The following RMDN2 variants were observed in gnomAD, a reference collection of about 807,000 sequenced individuals.
The protein encoded by RMDN2 is regulator of microtubule dynamics protein 2.
Under a neutral mutation model 52.8 loss-of-function variants are expected in RMDN2, and 61 were observed. That is an observed-to-expected ratio of 1.16 (90% CI 0.94 to 1.43). RMDN2 has a LOEUF of 1.43. RMDN2 is among the 40% of genes most tolerant of loss of function. RMDN2 has a pLI of 0.00. For synonymous variants in RMDN2, 180 were observed against 153.1 expected, an observed-to-expected ratio of 1.18 and a Z score of -1.30; for missense variants, 592 against 475.3, an observed-to-expected ratio of 1.25 and a Z score of -2.28.
At chr2:38,050,508 G>A (rs112077244) in intron 10 of RMDN2, among the ~76,000 whole-genome samples, 3,642 of 152,122 alleles carry the variant, frequency 0.024, 156 homozygotes, top group African/African-American at 0.081. Context: ...TAAAAAGCCC[G>A]TAGGGACTAT....
chr2:37,930,237 TTAAA>T (rs1419996725), intron 2 of RMDN2, among the ~76,000 whole-genome samples: 2 of 152,216 alleles, frequency 1.3e-5, no homozygotes, highest in African/African-American at 4.8e-5. Context: ...GTAATTAAAT[TTAAA>T]TAGCCACTTG....
intron 2 of RMDN2, among the ~76,000 whole-genome samples, chr2:37,948,396 G>A (rs1185469815): frequency 6.6e-6 from 1 of 152,128 alleles, no homozygotes; most frequent in Non-Finnish European, 1.5e-5. Context: ...TATAATGATG[G>A]AATACTGACC....
intron 2 of RMDN2, among the ~76,000 whole-genome samples, chr2:37,969,888 T>A (rs1336674476): frequency 6.6e-6 from 1 of 151,948 alleles, no homozygotes; most frequent in African/African-American, 2.4e-5. Context: ...CTCTCCTGCT[T>A]GCTTCCTTGC....
chr2:37,996,248 A>G (rs1675518976), intron 7 of RMDN2, among the ~76,000 whole-genome samples: 1 of 152,224 alleles, frequency 6.6e-6, no homozygotes, highest in East Asian at 1.9e-4. Flanking sequence ...AAGCATACGA[A>G]TAAGAAAAAT....
chr2:38,000,364 A>T (rs546402319), intron 8 of RMDN2, among the ~76,000 whole-genome samples: 1 of 152,354 alleles, frequency 6.6e-6, no homozygotes, highest in African/African-American at 2.4e-5. Flanking sequence ...TAAGCAATAA[A>T]TTGTACCCAT....
intron 7 of RMDN2, among the ~76,000 whole-genome samples, chr2:37,993,440 C>T (rs1235652245): frequency 6.6e-6 from 1 of 151,490 alleles, no homozygotes; most frequent in Non-Finnish European, 1.5e-5. Flanking sequence ...ATTTTCTGGC[C>T]ACACAATATC....
chr2:37,973,990 C>G, intron 2 of RMDN2, 50 bp from the exon 3 acceptor site: 1 of 1,399,186 alleles, frequency 7.1e-7, no homozygotes, highest in Non-Finnish European at 1.0e-6. Flanking sequence ...AATGCTCTGG[C>G]TATTATACTT....
At chr2:37,997,823 A>C in intron 8 of RMDN2, 1 of 287,512 alleles carries the variant, frequency 3.5e-6, no homozygotes, top group Non-Finnish European at 6.5e-6. Flanking sequence ...TCTCTGAGTC[A>C]CTTGAGCATG....
intron 2 of RMDN2, among the ~76,000 whole-genome samples, chr2:37,939,458 G>C (rs369983483): frequency 1.3e-5 from 2 of 152,110 alleles, no homozygotes; most frequent in South Asian, 4.2e-4. Context: ...TTAATTTTCT[G>C]TCTCGTTGAT....
At chr2:38,025,494 A>C (rs1231486238) in intron 10 of RMDN2, among the ~76,000 whole-genome samples, 1 of 152,104 alleles carries the variant, frequency 6.6e-6, no homozygotes, top group Admixed American at 6.6e-5. Flanking sequence ...TGTACAGGCT[A>C]GAACTTTCAA....
At chr2:37,923,012 G>A (rs555399241), upstream of RMDN2, among the ~76,000 whole-genome samples, 1 of 152,336 alleles carries the variant, frequency 6.6e-6, no homozygotes, top group African/African-American at 2.4e-5. Flanking sequence ...TGATTGTCAT[G>A]CCGTACTGGT....
upstream of RMDN2, among the ~76,000 whole-genome samples, chr2:37,921,910 A>G (rs543389299): frequency 2.2e-4 from 33 of 152,222 alleles, no homozygotes; most frequent in African/African-American, 6.7e-4. Flanking sequence ...TGTGTAGAAG[A>G]CTCAATAAAT....
intron 2 of RMDN2, among the ~76,000 whole-genome samples, chr2:37,959,407 C>G (rs1005363699): frequency 1.3e-5 from 2 of 150,922 alleles, no homozygotes; most frequent in African/African-American, 5.0e-5. Flanking sequence ...AGGAATTTAT[C>G]CATTTCTTGT....
chr2:37,935,918 C>T (rs1667248413), intron 2 of RMDN2, among the ~76,000 whole-genome samples: 1 of 151,946 alleles, frequency 6.6e-6, no homozygotes, highest in Non-Finnish European at 1.5e-5. Context: ...CTTTTATTAA[C>T]TTTAAGTTCT....
intron 4 of RMDN2, among the ~76,000 whole-genome samples, chr2:37,975,580 A>G (rs1202358806): frequency 1.3e-5 from 2 of 152,184 alleles, no homozygotes; most frequent in Admixed American, 6.5e-5. Flanking sequence ...TAGGGGAGGG[A>G]TAGCATTAGG....
chr2:38,000,287 A>G (rs561255709), intron 8 of RMDN2, among the ~76,000 whole-genome samples: 23 of 152,342 alleles, frequency 1.5e-4, no homozygotes, highest in African/African-American at 5.5e-4. Flanking sequence ...ACCTTACAAA[A>G]TGGCAGCCCA....
At chr2:38,043,746 T>C (rs1480027672) in intron 10 of RMDN2, among the ~76,000 whole-genome samples, 2 of 152,118 alleles carry the variant, frequency 1.3e-5, no homozygotes, top group African/African-American at 4.8e-5. Flanking sequence ...TATCATTTCA[T>C]GGGTAGCACA....
At chr2:38,006,112 A>G (rs1357672134) in intron 10 of RMDN2, among the ~76,000 whole-genome samples, 1 of 152,078 alleles carries the variant, frequency 6.6e-6, no homozygotes, top group Admixed American at 6.6e-5. Flanking sequence ...GTAGCCTTGT[A>G]GTATAGTTTG....
intron 2 of RMDN2, among the ~76,000 whole-genome samples, chr2:37,934,037 A>T: frequency 6.6e-6 from 1 of 152,268 alleles, no homozygotes; most frequent in South Asian, 2.1e-4. Flanking sequence ...CTCTTCATAC[A>T]CAAGTGTCCT....
Sources: allele counts gnomAD v4.1 joint callset (sites outside exome capture counted in the v4.1 genomes callset), GRCh38; gene constraint gnomAD v4.1.1; transcripts MANE v1.5; gene names NCBI Gene and HGNC (gene_info 2026-07-23, HGNC 2026-07-21).